ZFC3H1: variants seen among roughly 807,000 people sequenced by gnomAD.
The protein encoded by ZFC3H1 is zinc finger C3H1-type containing.
A neutral mutation model predicts 243.7 loss-of-function variants in ZFC3H1; 71 were observed. The ratio of observed to expected loss-of-function variants is 0.29; its 90% CI spans 0.24 to 0.36. The LOEUF is 0.36. Among genes scored for constraint, ZFC3H1 ranks in the 10% least tolerant of loss-of-function variants. ZFC3H1 has a pLI of 1.00. For missense variants in ZFC3H1, 1,966 were observed against 2,317.1 expected, an observed-to-expected ratio of 0.85 and a Z score of 3.11; for synonymous variants, 838 against 813.0, an observed-to-expected ratio of 1.03 and a Z score of -0.52.
Position 71,629,643 on chromosome 12 carries a change from G to A in ZFC3H1, c.3792C>T (p.Leu1264=). ...DRMSMDQMAV[L]LVSNINESKG... ...TACTTTCATTGATATTGCTAACAAG[G>A]AGAACAGCCATCTGGTCCATTGACA... The change falls in exon 19 of 35, where the codon CTC becomes CTT. Residue 1264 remains leucine, a synonymous_variant. Transcript: ENST00000378743. 6.2e-7 allele frequency: 1 copy of A among 1,612,364 alleles called. No homozygotes were observed. Among genetic ancestry groups the A allele is most frequent in the Non-Finnish European group, 8.5e-7 (1 of 1,179,514 alleles).
chr12:71,613,346 T>G lies in ZFC3H1; in HGVS notation c.5616A>C (p.Gly1872=). 6.2e-7 allele frequency: 1 copy of G among 1,610,112 alleles called. No individual in the cohort carries two copies. The highest frequency in any genetic ancestry group is 8.5e-7 in the Non-Finnish European group (1 of 1,177,572). Residue 1872 remains glycine (G), a synonymous_variant, in exon 31 of 35, where the codon GGA becomes GGC. Transcript: ENST00000378743. ...TAAGTTTTTCTTACCTCAATGCAAG[T>G]CCAGAATTAGCTGGCATAACTGAAC... ...RFCSVMPANS[G]LALRLLQHEW... is the part of the protein sequence containing the mutation.
chr12:71,624,979 AAAAG>A (rs1416796549), intron 22 of ZFC3H1, among the ~76,000 whole-genome samples: 1 of 152,176 alleles, frequency 6.6e-6, no homozygotes, highest in Non-Finnish European at 1.5e-5. Flanking sequence ...AAAAGATTTA[AAAAG>A]AAAGAAAGGA....
chr12:71,656,366 T>C, intron 2 of ZFC3H1: 2 of 449,820 alleles, frequency 4.4e-6, no homozygotes, highest in Non-Finnish European at 7.8e-6. Context: ...TATCATAAAC[T>C]GTATTAAACG....
Position 71,633,457 on chromosome 12 carries a change from A to C in ZFC3H1, c.2511-19T>G. ...GAGAATCCTAAATGAGAAATAACAAAATTCTTGTTAATGTTTCCCTACAAG... is the reference window on the plus strand; with the variant it reads ...GAGAATCCTAAATGAGAAATAACAACATTCTTGTTAATGTTTCCCTACAAG... On this transcript the variant is annotated intron_variant, in intron 12 of 34. Coordinates refer to ENST00000378743, the MANE Select transcript of ZFC3H1 (RefSeq NM_144982.5). 2 of 1,521,512 alleles carry C rather than the reference A, an allele frequency of 1.3e-6. No individual in the cohort carries two copies. Among genetic ancestry groups the C allele is most frequent in the Non-Finnish European group, 1.8e-6 (2 of 1,135,598 alleles). The allele number at this position is 1,521,512 out of a possible 1,614,324, so 94.3% of individuals were successfully genotyped here. A position where few individuals can be genotyped will look rare whatever the true frequency, so the allele number is the denominator to read the frequency against.
At position 71,624,148 on chromosome 12, in the gene ZFC3H1, G is replaced by A; in HGVS notation, c.4462C>T (p.His1488Tyr). ...LEALLFRVQL[H>Y]IFTGRCQSAL... Reference sequence around the variant, plus strand: ...CTTTGGCATCTTCCAGTAAATATGTGCAGCTGAACTCTAAACAAAAGAGCC... The same window carrying A: ...CTTTGGCATCTTCCAGTAAATATGTACAGCTGAACTCTAAACAAAAGAGCC... Residue 1488 changes from histidine (H) to tyrosine (Y), a missense_variant, in exon 23 of 35, where the codon CAC becomes TAC. This residue lies in a region of ZFC3H1 where 1,383 missense variants were observed against 1,723.7 expected (regional missense o/e 0.80). Coordinates refer to ENST00000378743, the MANE Select transcript of ZFC3H1 (RefSeq NM_144982.5). The A allele has an allele frequency of 6.2e-7, 1 of 1,613,740 alleles. No homozygotes were observed. Among genetic ancestry groups the A allele is most frequent in the Non-Finnish European group, 8.5e-7 (1 of 1,179,910 alleles).
chr12:71,612,586 T>C (rs1050270082), intron 31 of ZFC3H1, among the ~76,000 whole-genome samples: 1 of 152,186 alleles, frequency 6.6e-6, no homozygotes, highest in Non-Finnish European at 1.5e-5. Context: ...TAAACTTTTA[T>C]ACGATTTTCC....
In ZFC3H1 at chr12:71,623,029, TAAA is replaced by T. The variant is rs34100899; in HGVS notation, c.4744+328_4744+330del. ...TTAAACTTCCACCTTAATGGACTGC[TAAA>T]AAAAAAAAAAAGTACCTAGTTCTCT... On this transcript the variant is annotated intron_variant, in intron 24 of 34. Coordinates refer to ENST00000378743, the MANE Select transcript of ZFC3H1 (RefSeq NM_144982.5). Among the ~76,000 whole-genome samples, 27 of 144,932 alleles carry T rather than the reference TAAA, an allele frequency of 1.9e-4. No homozygotes were observed. The South Asian group carries it at 4.6e-3, about 25-fold the overall frequency.
intron 11 of ZFC3H1, 59 bp from the exon 12 acceptor site, chr12:71,634,363 A>T: frequency 6.5e-7 from 1 of 1,539,634 alleles, no homozygotes; most frequent in South Asian, 1.2e-5. Flanking sequence ...AACTATTTTT[A>T]AAATGTATTC....
At position 71,632,254 on chromosome 12, in the gene ZFC3H1, A is replaced by C; in HGVS notation, c.3078T>G (p.Thr1026=). ...TTTCATCATCAACATCATTTTCTTCAGTGTCCAGGGTTAATTTATCTTGTG... is the reference window on the plus strand; with the variant it reads ...TTTCATCATCAACATCATTTTCTTCCGTGTCCAGGGTTAATTTATCTTGTG... ...DLTQDKLTLD[T]EENDVDDEIL... Residue 1026 remains threonine, a synonymous_variant, in exon 15 of 35, where the codon ACT becomes ACG. Transcript: ENST00000378743. The C allele has an allele frequency of 6.2e-7, 1 of 1,612,338 alleles. No individual in the cohort carries two copies. The highest frequency in any genetic ancestry group is 1.7e-5 in the Admixed American group (1 of 59,532).
rs529147127 is a variant in ZFC3H1, at chr12:71,647,378, G to C, written c.1080+371C>G. Among the ~76,000 whole-genome samples the C allele has an allele frequency of 2.8e-4, 43 of 152,202 alleles. No homozygotes were observed. In the South Asian group the frequency reaches 8.9e-3, roughly 31 times the overall value. On this transcript the variant is annotated intron_variant, in intron 3 of 34. Coordinates refer to ENST00000378743, the MANE Select transcript of ZFC3H1 (RefSeq NM_144982.5). ...TTATACAAAGTCACTCAGTTAACAA[G>C]AAGTGGAGGTAGAATTTGACACCAG...
Position 71,635,512 on chromosome 12 carries a change from A to T in ZFC3H1, c.2169T>A (p.Ala723=). ...DSDDSESDGE[A]SKSTNSVFGG... ...CAAAAACACTATTTGTTGACTTGGA[A>T]GCCTCTCCATCAGATTCACTATCAT... The change falls in exon 10 of 35, where the codon GCT becomes GCA. Residue 723 remains alanine, a synonymous_variant. Coordinates refer to ENST00000378743, the MANE Select transcript of ZFC3H1 (RefSeq NM_144982.5). The T allele has an allele frequency of 6.4e-7, 1 of 1,569,656 alleles. No homozygotes were observed. Among genetic ancestry groups the T allele is most frequent in the Non-Finnish European group, 8.6e-7 (1 of 1,165,116 alleles).
chr12:71,633,195 G>C, intron 13 of ZFC3H1, 69 bp downstream of exon 13: 1 of 1,468,838 alleles, frequency 6.8e-7, no homozygotes, highest in Non-Finnish European at 9.1e-7. Flanking sequence ...ACAGTGGTTT[G>C]TCTTACAGAA....
intron 7 of ZFC3H1, among the ~76,000 whole-genome samples, chr12:71,637,732 C>T (rs1880499562): frequency 1.3e-5 from 2 of 152,042 alleles, no homozygotes; most frequent in South Asian, 4.2e-4. Context: ...TCTAATATTC[C>T]CCTCACCATA....
rs1030735168 is a variant in ZFC3H1, at chr12:71,634,384, A to G, written c.2361-80T>C. The G allele has an allele frequency of 4.8e-5, 70 of 1,446,182 alleles. 1 individual carries two copies. The highest frequency in any genetic ancestry group is 2.0e-4 in the South Asian group (15 of 73,716). The allele number at this position is 1,446,182 out of a possible 1,614,324, so 89.6% of individuals were successfully genotyped here. ...TTTTAAAATGTATTCTATTTCATGC[A>G]GTAACAATATTAATCACACCGACTA... On this transcript the variant is annotated intron_variant, in intron 11 of 34. Coordinates refer to ENST00000378743, the MANE Select transcript of ZFC3H1 (RefSeq NM_144982.5).
intron 24 of ZFC3H1, among the ~76,000 whole-genome samples, chr12:71,621,245 T>C (rs1592585785): frequency 6.6e-6 from 1 of 152,122 alleles, no homozygotes; most frequent in African/African-American, 2.4e-5. Flanking sequence ...GTAACTTCTA[T>C]GTGAATAACA....
chr12:71,610,799 T>C, intron 33 of ZFC3H1, 42 bp from the exon 34 acceptor site: 3 of 1,571,188 alleles, frequency 1.9e-6, no homozygotes, highest in Admixed American at 3.5e-5. Flanking sequence ...GAAAATATAA[T>C]GAAAAACACC....
chr12:71,640,823 C>A (rs1011380665), intron 6 of ZFC3H1, among the ~76,000 whole-genome samples: 1 of 152,034 alleles, frequency 6.6e-6, no homozygotes, highest in African/African-American at 2.4e-5. Flanking sequence ...CCTGAAACCT[C>A]AGATCCTAAA....
At chr12:71,652,754 A>T (rs898644024) in intron 2 of ZFC3H1, among the ~76,000 whole-genome samples, 1 of 152,176 alleles carries the variant, frequency 6.6e-6, no homozygotes, top group African/African-American at 2.4e-5. Flanking sequence ...CATAGTACTA[A>T]ATTGAAGAGG....
chr12:71,627,862 A>G lies in ZFC3H1; in HGVS notation c.4019T>C (p.Phe1340Ser). Residue 1340 changes from phenylalanine (F) to serine (S), a missense_variant, in exon 21 of 35, where the codon TTT becomes TCT. Transcript: ENST00000378743. ...TVVTPDDVRYFTNETDDIANL... is the reference protein window; with the variant it reads ...TVVTPDDVRYSTNETDDIANL... ...AGCGATGTCATCAGTCTCATTTGTA[A>G]AGTATCTGACATCATCTGGAGTGAC... 6.2e-7 allele frequency: 1 copy of G among 1,613,894 alleles called. No homozygotes were observed. Among genetic ancestry groups the G allele is most frequent in the Admixed American group, 1.7e-5 (1 of 60,012 alleles).
Sources: allele counts gnomAD v4.1 joint callset (sites outside exome capture counted in the v4.1 genomes callset), GRCh38; gene constraint gnomAD v4.1.1; regional missense constraint gnomAD v4.1.1; transcripts MANE v1.5; gene names NCBI Gene and HGNC (gene_info 2026-07-23, HGNC 2026-07-21).